The following ERGIC2 variants were observed in gnomAD, a reference collection of about 807,000 sequenced individuals.
The protein encoded by ERGIC2 is ERGIC and golgi 2, also known as endoplasmic reticulum-Golgi intermediate compartment protein 2.
A neutral mutation model predicts 52.5 loss-of-function variants in ERGIC2; 31 were observed. The ratio of observed to expected loss-of-function variants is 0.59; its 90% CI spans 0.44 to 0.80. The LOEUF is 0.80. Ranked by LOEUF, ERGIC2 falls within the 30% of genes least tolerant of loss-of-function variation. The probability of loss-of-function intolerance (pLI) is 0.00; values close to 1 mark genes in which losing one functional copy is unlikely to be tolerated. For synonymous variants in ERGIC2, 129 were observed against 140.6 expected (o/e 0.92, Z 0.58); for missense variants, 395 against 455.2 (o/e 0.87, Z 1.20).
intron 11 of ERGIC2, 125 bp from the exon 12 acceptor site, chr12:29,343,407 C>T (rs1365274308): frequency 1.7e-6 from 1 of 600,170 alleles, no homozygotes; most frequent in Non-Finnish European, 2.7e-6. Flanking sequence ...AGGACATCCA[C>T]ATTTCCTTAT....
At chr12:29,357,765 C>T in intron 6 of ERGIC2, 41 bp from the exon 7 acceptor site, 1 of 1,090,244 alleles carries the variant, frequency 9.2e-7, no homozygotes, top group Admixed American at 1.8e-5. Flanking sequence ...GAAAGGTACA[C>T]AAAGAGAGCT....
chr12:29,340,652 GT>G lies in ERGIC2; in HGVS notation c.*503del, dbSNP rs879735798. ...ATGGCTATAACATAGGGACTAGCCC[GT>G]TTTTTTTTTTTATTAACAATGTGAC... On this transcript the variant is annotated 3_prime_UTR_variant, in exon 14 of 14. Coordinates refer to ENST00000360150, the MANE Select transcript of ERGIC2 (RefSeq NM_016570.3). The G allele has an allele frequency of 0.023, 5,281 of 234,222 alleles. 52 individuals carry two copies. Among genetic ancestry groups the G allele is most frequent in the African/African-American group, 0.057 (2,316 of 40,988 alleles). 14.5% of individuals were successfully genotyped at this position (234,222 alleles called of 1,614,324 possible). A position where few individuals can be genotyped will look rare whatever the true frequency, so the allele number is the denominator to read the frequency against.
chr12:29,345,343 A>G, intron 11 of ERGIC2, 100 bp downstream of exon 11: 1 of 676,664 alleles, frequency 1.5e-6, no homozygotes, highest in South Asian at 1.8e-5. Flanking sequence ...AAATGAGGGA[A>G]GACACCAAGT....
Position 29,357,250 on chromosome 12 carries a change from G to T in ERGIC2, c.476+373C>A, listed in dbSNP as rs182349297. Among the ~76,000 whole-genome samples the T allele has an allele frequency of 6.0e-3, 910 of 152,190 alleles. 4 individuals carry two copies. The highest frequency in any genetic ancestry group is 0.011 in the South Asian group (52 of 4,816). On this transcript the variant is annotated intron_variant, in intron 7 of 13. Coordinates refer to ENST00000360150, the MANE Select transcript of ERGIC2 (RefSeq NM_016570.3). Reference sequence around the variant, plus strand: ...CTCCAAAAGTGCTGGGATTACAGACGTGAGCCACTGCGCCCAGCCTCTAAT... The same window carrying T: ...CTCCAAAAGTGCTGGGATTACAGACTTGAGCCACTGCGCCCAGCCTCTAAT...
intron 6 of ERGIC2, among the ~76,000 whole-genome samples, chr12:29,359,256 C>A (rs886279092): frequency 1.3e-5 from 2 of 151,806 alleles, no homozygotes; most frequent in African/African-American, 4.8e-5. Context: ...GACATTGAAT[C>A]TTTGGATTCA....
intron 8 of ERGIC2, among the ~76,000 whole-genome samples, chr12:29,351,763 A>C (rs1940133869): frequency 6.6e-6 from 1 of 152,230 alleles, no homozygotes; most frequent in Admixed American, 6.5e-5. Flanking sequence ...TACTTGCTAA[A>C]CAATGAGGCA....
At chr12:29,362,794 T>A (rs188570746) in intron 5 of ERGIC2, among the ~76,000 whole-genome samples, 9 of 152,194 alleles carry the variant, frequency 5.9e-5, no homozygotes, top group African/African-American at 1.9e-4. Flanking sequence ...CACCTCCTGA[T>A]GAATTTGCCT....
intron 1 of ERGIC2, chr12:29,372,443 A>AAAGAAG (rs199730062): frequency 6.6e-6 from 1 of 152,000 alleles, no homozygotes; most frequent in African/African-American, 2.4e-5. Flanking sequence ...AGAAGAAGAA[A>AAAGAAG]AAGAAGAAGA....
chr12:29,379,428 GGGA>G (rs1565547903), intron 1 of ERGIC2, among the ~76,000 whole-genome samples: 1 of 152,092 alleles, frequency 6.6e-6, no homozygotes, highest in Non-Finnish European at 1.5e-5. Flanking sequence ...ACTGGATAAT[GGGA>G]GTTTAAGGAC....
At chr12:29,373,893 C>T (rs1311027748) in intron 1 of ERGIC2, among the ~76,000 whole-genome samples, 1 of 152,160 alleles carries the variant, frequency 6.6e-6, no homozygotes, top group African/African-American at 2.4e-5. Flanking sequence ...ATGCCATGCC[C>T]GCTAAACTTG....
chr12:29,367,809 A>G (rs1940384741), intron 4 of ERGIC2, among the ~76,000 whole-genome samples: 1 of 151,914 alleles, frequency 6.6e-6, no homozygotes, highest in Non-Finnish European at 1.5e-5. Context: ...CGAAAAAAGA[A>G]AAGGGTAACC....
intron 10 of ERGIC2, among the ~76,000 whole-genome samples, chr12:29,347,079 T>A (rs12817578): frequency 0.14 from 21,844 of 152,178 alleles, 1,605 homozygotes; most frequent in Middle Eastern, 0.24. Context: ...CAGATTTAAA[T>A]AGAAGCTTGC....
At chr12:29,346,800 A>G (rs1383973748) in intron 10 of ERGIC2, among the ~76,000 whole-genome samples, 1 of 152,206 alleles carries the variant, frequency 6.6e-6, no homozygotes, top group East Asian at 1.9e-4. Context: ...GTAAACAATT[A>G]CCCATTCACA....
intron 5 of ERGIC2, among the ~76,000 whole-genome samples, chr12:29,362,802 C>T (rs1565541645): frequency 6.6e-6 from 1 of 152,020 alleles, no homozygotes; most frequent in African/African-American, 2.4e-5. Context: ...GATGAATTTG[C>T]CTAAAGCATG....
intron 7 of ERGIC2, among the ~76,000 whole-genome samples, chr12:29,356,833 G>A (rs1244465138): frequency 6.6e-6 from 1 of 151,974 alleles, no homozygotes; most frequent in Non-Finnish European, 1.5e-5. Context: ...AGGGAGGGCA[G>A]AAACATGATT....
intron 5 of ERGIC2, 52 bp downstream of exon 5, chr12:29,366,825 C>A (rs370266873): frequency 1.9e-6 from 2 of 1,068,898 alleles, no homozygotes; most frequent in South Asian, 1.4e-5. Context: ...TGTCTTCAAG[C>A]GTACGATTCC....
At chr12:29,348,982 ACAC>A in intron 10 of ERGIC2, 94 bp downstream of exon 10, 1 of 607,470 alleles carries the variant, frequency 1.6e-6, no homozygotes, top group South Asian at 2.1e-5. Context: ...GATTATCTTT[ACAC>A]AGTAGTTAGG....
chr12:29,346,056 C>T (rs1190033936), intron 10 of ERGIC2, among the ~76,000 whole-genome samples: 9 of 151,808 alleles, frequency 5.9e-5, no homozygotes, highest in African/African-American at 4.8e-5. Flanking sequence ...TATTTATACT[C>T]GGTAAAACAA....
intron 8 of ERGIC2, among the ~76,000 whole-genome samples, chr12:29,350,443 T>G (rs1940115564): frequency 6.6e-6 from 1 of 152,088 alleles, no homozygotes; most frequent in Non-Finnish European, 1.5e-5. Flanking sequence ...ACACTTTGTT[T>G]AATTGGGGTT....
Sources: gnomAD v4.1 joint callset for allele counts (sites outside exome capture counted in the v4.1 genomes callset) on GRCh38, gnomAD v4.1.1 for gene constraint, MANE v1.5 for transcripts, NCBI Gene and HGNC (gene_info 2026-07-23, HGNC 2026-07-21) for gene names.